TGIF1: variants seen among roughly 807,000 people sequenced by gnomAD.
TGIF1 encodes the protein homeobox protein TGIF1.
In TGIF1, 4 loss-of-function variants were observed where a neutral mutation model predicts 19.3. The ratio of observed to expected loss-of-function variants is 0.21; its 90% confidence interval spans 0.10 to 0.47. The LOEUF (loss-of-function observed/expected upper bound fraction) is 0.47, where lower values mean the gene tolerates loss of function less well. Ranked by LOEUF, TGIF1 falls within the 20% of genes least tolerant of loss-of-function variation. The probability of loss-of-function intolerance (pLI) is 0.98; values close to 1 mark genes in which losing one functional copy is unlikely to be tolerated. For synonymous variants in TGIF1, 122 were observed against 129.3 expected (o/e 0.94, Z 0.38); for missense variants, 275 against 341.4 (o/e 0.81, Z 1.53).
At position 3,451,620 on chromosome 18, in the gene TGIF1, G is replaced by C; in HGVS notation, c.16+1115G>C. 1.8e-6 allele frequency: 2 copies of C among 1,089,860 alleles called. No homozygotes were observed. Among genetic ancestry groups the C allele is most frequent in the African/African-American group, 3.3e-5 (2 of 61,078 alleles). 67.5% of individuals were successfully genotyped at this position (1,089,860 alleles called of 1,614,324 possible). A position where few individuals can be genotyped will look rare whatever the true frequency, so the allele number is the denominator to read the frequency against. ...ATTCTTTCAGACCCGGCCCGCTGCG[G>C]GGCGTTCCTGGGGGGTAGCCTCAAG... On this transcript the variant is annotated intron_variant, in intron 1 of 2. Coordinates refer to ENST00000343820, the MANE Select transcript of TGIF1 (RefSeq NM_003244.4). This position sits in a 1 kb window ranked among gnomAD's most constrained non-coding sequence, Gnocchi z 5.4.
At chr18:3,452,872 A>G (rs1266407460) in intron 1 of TGIF1, among the ~76,000 whole-genome samples, 1 of 152,168 alleles carries the variant, frequency 6.6e-6, no homozygotes, top group Non-Finnish European at 1.5e-5. Flanking sequence ...GGTTTGTGAT[A>G]ATAGTGTGTC....
chr18:3,443,764 C>T (rs2082703788), intron 2 of TGIF1, among the ~76,000 whole-genome samples: 2 of 151,916 alleles, frequency 1.3e-5, no homozygotes, highest in African/African-American at 4.8e-5. Context: ...AACTCCTGAC[C>T]TCAGATGATC....
chr18:3,442,355 G>A (rs1232047366), intron 2 of TGIF1, among the ~76,000 whole-genome samples: 1 of 152,066 alleles, frequency 6.6e-6, no homozygotes, highest in East Asian at 1.9e-4. Context: ...GTTAAAAACT[G>A]GTACAGTATT....
At chr18:3,448,080 G>T, upstream of TGIF1, 1 of 977,564 alleles carries the variant, frequency 1.0e-6, no homozygotes, top group Non-Finnish European at 1.2e-6. Flanking sequence ...GGGCGGGGGG[G>T]GAGGTAGGGT....
Position 3,439,503 on chromosome 18 carries a change from T to A in TGIF1, c.-44-16851T>A, listed in dbSNP as rs556564654. On this transcript the variant is annotated intron_variant, in intron 2 of 3. Coordinates refer to the TGIF1 transcript ENST00000401449. ...GGATTACTGGCATGCTCCACCATGC[T>A]TGGCTAATTTTGTATTTTTAGTAGA... Among the ~76,000 whole-genome samples, 285 of 152,044 alleles carry A rather than the reference T, an allele frequency of 1.9e-3. 3 individuals carry two copies. The highest frequency in any genetic ancestry group is 6.6e-3 in the African/African-American group (275 of 41,496).
At chr18:3,423,645 T>C (rs2082435088) in intron 2 of TGIF1, among the ~76,000 whole-genome samples, 1 of 151,912 alleles carries the variant, frequency 6.6e-6, no homozygotes, top group Admixed American at 6.6e-5. Flanking sequence ...ATCGCGCCAC[T>C]GCCCTCCAGC....
At chr18:3,424,599 G>A (rs1406759242) in intron 2 of TGIF1, among the ~76,000 whole-genome samples, 1 of 151,630 alleles carries the variant, frequency 6.6e-6, no homozygotes, top group African/African-American at 2.4e-5. Context: ...TGGGTGGGTA[G>A]GGGCTACTGG....
Position 3,420,598 on chromosome 18 carries a change from C to T in TGIF1, c.-45+2383C>T, listed in dbSNP as rs963149194. On this transcript the variant is annotated intron_variant, in intron 2 of 3. Coordinates refer to the TGIF1 transcript ENST00000401449. Reference sequence around the variant, plus strand: ...GATAAAATAACATCACCCAACTATACGTTGTTTACAAGAAACTCACTTTAA... The same window carrying T: ...GATAAAATAACATCACCCAACTATATGTTGTTTACAAGAAACTCACTTTAA... Among the ~76,000 whole-genome samples the T allele has an allele frequency of 6.6e-5, 10 of 152,116 alleles. No individual in the cohort carries two copies. In the South Asian group the frequency reaches 1.2e-3, roughly 19 times the overall value.
chr18:3,440,975 A>C (rs1568039146), intron 2 of TGIF1, among the ~76,000 whole-genome samples: 1 of 152,224 alleles, frequency 6.6e-6, no homozygotes. Context: ...AAAACAACTT[A>C]ACATCTATTA....
At chr18:3,452,338 C>T (rs747495733) in intron 1 of TGIF1, 53 of 1,613,216 alleles carry the variant, frequency 3.3e-5, no homozygotes, top group Middle Eastern at 1.6e-4. Flanking sequence ...TCCCAGGGCG[C>T]ACAGGGTCCA....
chr18:3,457,758 C>G lies in TGIF1; in HGVS notation c.637C>G (p.Leu213Val). The G allele has an allele frequency of 1.9e-6, 3 of 1,614,212 alleles. No individual in the cohort carries two copies. In the South Asian group the frequency reaches 3.3e-5, roughly 18 times the overall value. The change falls in exon 3 of 3, where the codon CTC becomes GTC. Residue 213 changes from leucine to valine, a missense_variant. Leu to Val is a conservative substitution (Grantham distance 32). Coordinates refer to ENST00000343820, the MANE Select transcript of TGIF1 (RefSeq NM_003244.4). This position sits in a 1 kb window ranked among gnomAD's most constrained non-coding sequence, Gnocchi z 4.9. Reference protein sequence around the residue: ...IAAKNFTDTSLMYPEDTCKSG... With the variant: ...IAAKNFTDTSVMYPEDTCKSG... The stretch of plus-strand genomic sequence containing the variant: ...GGCCAAAAACTTCACAGACACCTCT[C>G]TCATGTACCCAGAGGACACTTGTAA...
intron 1 of TGIF1, chr18:3,418,092 G>C (rs2082356210): frequency 6.6e-6 from 1 of 151,900 alleles, no homozygotes; most frequent in South Asian, 2.1e-4. Context: ...CAATGAAGCT[G>C]TACTCCACAA....
upstream of TGIF1, among the ~76,000 whole-genome samples, chr18:3,445,886 A>C (rs2082739315): frequency 6.6e-6 from 1 of 151,404 alleles, no homozygotes; most frequent in African/African-American, 2.4e-5. Flanking sequence ...CCCTGGCATA[A>C]TCTGAGGTTA....
chr18:3,456,440 A>G lies in TGIF1; in HGVS notation c.103A>G (p.Lys35Glu). The change falls in exon 2 of 3, where the codon AAG becomes GAG. Residue 35 changes from lysine (K) to glutamate (E), a missense_variant. Physicochemically the swap from Lys to Glu is moderately conservative, Grantham distance 56. Transcript: ENST00000343820. The surrounding 1 kb of genome is among the most constrained non-coding windows in gnomAD (Gnocchi z 4.2). ...CCTTTCTTCATCCGCTGGCTCAGGC[A>G]AGAGAAGGAGAAGGGGCAACCTACC... Reference protein sequence around the residue: ...LDLSSSAGSGKRRRRGNLPKE... With the variant: ...LDLSSSAGSGERRRRGNLPKE... 3 of 1,614,256 alleles carry G rather than the reference A, an allele frequency of 1.9e-6. No homozygotes were observed. Among genetic ancestry groups the G allele is most frequent in the Non-Finnish European group, 2.5e-6 (3 of 1,180,036 alleles).
intron 2 of TGIF1, among the ~76,000 whole-genome samples, chr18:3,427,292 CTT>C (rs111682284): frequency 6.2e-5 from 9 of 145,064 alleles, no homozygotes; most frequent in African/African-American, 1.8e-4. Context: ...TACATTCTCC[CTT>C]TTTTTTTTTT....
At chr18:3,445,670 G>A (rs999498985), upstream of TGIF1, among the ~76,000 whole-genome samples, 25 of 131,224 alleles carry the variant, frequency 1.9e-4, no homozygotes, top group Admixed American at 4.6e-4. Context: ...CTTGCAGTGA[G>A]CCGAGATTGC....
At position 3,457,690 on chromosome 18, in the gene TGIF1, A is replaced by G. The variant is rs778197391; in HGVS notation, c.569A>G (p.Gln190Arg). 1 of 1,614,242 alleles carries G rather than the reference A, an allele frequency of 6.2e-7. No homozygotes were observed. The highest frequency in any genetic ancestry group is 8.5e-7 in the Non-Finnish European group (1 of 1,180,038). Residue 190 changes from glutamine (Q) to arginine (R), a missense_variant, in exon 3 of 3, where the codon CAG becomes CGG. Gln to Arg is a conservative substitution (Grantham distance 43). Coordinates refer to ENST00000343820, the MANE Select transcript of TGIF1 (RefSeq NM_003244.4). This position sits in a 1 kb window ranked among gnomAD's most constrained non-coding sequence, Gnocchi z 4.9. ...ALKDVPFSLC[Q>R]SVGVGQNTDI... ...AAAGATGTCCCTTTCTCTCTCTGCC[A>G]GTCGGTCGGTGTGGGACAAAACACA...
upstream of TGIF1, chr18:3,448,218 C>A: frequency 1.0e-6 from 1 of 985,434 alleles, no homozygotes; most frequent in Non-Finnish European, 1.2e-6. Flanking sequence ...GCTCCTGCCA[C>A]TCAGGCCGCG....
Position 3,423,722 on chromosome 18 carries a change from G to GTGCA in TGIF1, c.-45+5508_-45+5511dup, listed in dbSNP as rs572158784. On this transcript the variant is annotated intron_variant, in intron 2 of 3. Transcript: ENST00000401449. ...TTTTAAAAATTAGCCGGGTGTGGTG[G>GTGCA]TGCACACTTGCAATCCCAGCTACTC... Among the ~76,000 whole-genome samples, 236 of 152,106 alleles carry GTGCA rather than the reference G, an allele frequency of 1.6e-3. 1 individual carries two copies. The highest frequency in any genetic ancestry group is 2.6e-3 in the Non-Finnish European group (178 of 67,988).
Sources: allele counts gnomAD v4.1 joint callset (sites outside exome capture counted in the v4.1 genomes callset), GRCh38; gene constraint gnomAD v4.1.1; non-coding constraint Gnocchi (gnomAD v3.1); transcripts MANE v1.5; gene names NCBI Gene and HGNC (gene_info 2026-07-23, HGNC 2026-07-21).